Variants in PTPRT observed in about 807,000 individuals in gnomAD.
PTPRT encodes protein tyrosine phosphatase receptor type T, also known as receptor-type tyrosine-protein phosphatase T.
PTPRT carries 56 observed loss-of-function variants against 176.8 expected under a neutral mutation model. The observed-to-expected ratio is 0.32, with a 90% CI of 0.26 to 0.40. The LOEUF (loss-of-function observed/expected upper bound fraction) is 0.40, where lower values mean the gene tolerates loss of function less well. Among genes scored for constraint, PTPRT ranks in the 10% least tolerant of loss-of-function variants. The pLI is 1.00. For missense variants in PTPRT, 1,540 were observed against 1,908.2 expected (o/e 0.81, Z 3.60); for synonymous variants, 783 against 739.0 (o/e 1.06, Z -0.96).
chr20:43,130,774 C>T (rs931952708), intron 1 of PTPRT, among the ~76,000 whole-genome samples: 11 of 123,254 alleles, frequency 8.9e-5, no homozygotes, highest in African/African-American at 3.1e-4. Context: ...AAGGCAAACA[C>T]GAAAATGTAA....
At chr20:42,188,782 T>C (rs1990880142) in intron 16 of PTPRT, among the ~76,000 whole-genome samples, 1 of 152,174 alleles carries the variant, frequency 6.6e-6, no homozygotes, top group Admixed American at 6.5e-5. Flanking sequence ...AACAATTCTA[T>C]TTTCTTCTCA....
chr20:42,231,466 A>G (rs980799818), intron 15 of PTPRT, among the ~76,000 whole-genome samples: 25 of 152,346 alleles, frequency 1.6e-4, no homozygotes, highest in Admixed American at 1.6e-3. Context: ...AGCATTGGGT[A>G]AGTATATATA....
At chr20:43,077,408 T>A (rs1295822662) in intron 1 of PTPRT, among the ~76,000 whole-genome samples, 1 of 152,162 alleles carries the variant, frequency 6.6e-6, no homozygotes, top group African/African-American at 2.4e-5. Context: ...CACACTGCAT[T>A]CCACACACTG....
chr20:42,996,459 G>T (rs1170272544), intron 1 of PTPRT, among the ~76,000 whole-genome samples: 1 of 152,156 alleles, frequency 6.6e-6, no homozygotes, highest in Non-Finnish European at 1.5e-5. Flanking sequence ...ATGTATCCGT[G>T]ATTGCTTCCT....
chr20:42,617,171 G>A (rs1360648773), intron 7 of PTPRT, among the ~76,000 whole-genome samples: 4 of 136,622 alleles, frequency 2.9e-5, no homozygotes, highest in Admixed American at 7.0e-5. Flanking sequence ...TTTGTCAAAG[G>A]CTTTTTCCGC....
rs1275383907 is a variant in PTPRT at position 42,762,691 on chromosome 20, A to G, written c.685-6055T>C. Reference sequence around the variant, plus strand: ...GGGCTCTATCTGCATATCAAGCTACATATCTATGGAGCTGCATCTGCCCAG... The same window carrying G: ...GGGCTCTATCTGCATATCAAGCTACGTATCTATGGAGCTGCATCTGCCCAG... On this transcript the variant is annotated intron_variant, in intron 5 of 30. Transcript: ENST00000373187. Among the ~76,000 whole-genome samples the G allele has an allele frequency of 3.3e-5, 5 of 152,326 alleles. No homozygotes were observed. The South Asian group carries it at 1.0e-3, about 32-fold the overall frequency.
intron 9 of PTPRT, among the ~76,000 whole-genome samples, chr20:42,405,563 G>A (rs868818952): frequency 2.6e-4 from 40 of 152,186 alleles, no homozygotes; most frequent in African/African-American, 9.2e-4. Context: ...TGGTGTATAT[G>A]TGCCACATTT....
At position 42,080,383 on chromosome 20, in the gene PTPRT, T is replaced by C. The variant is rs575881144; in HGVS notation, c.*496A>G. On this transcript the variant is annotated 3_prime_UTR_variant, in exon 31 of 31. Coordinates refer to ENST00000373187, the MANE Select transcript of PTPRT (RefSeq NM_007050.6). Reference sequence around the variant, plus strand: ...ACTGGTCCAGACTGCAAATGTCTGGTGCCAGAGGCCCCTGAAGGAGGTTGC... The same window carrying C: ...ACTGGTCCAGACTGCAAATGTCTGGCGCCAGAGGCCCCTGAAGGAGGTTGC... 4.3e-6 allele frequency: 1 copy of C among 233,988 alleles called. No homozygotes were observed. Among genetic ancestry groups the C allele is most frequent in the African/African-American group, 2.2e-5 (1 of 45,372 alleles). The allele number at this position is 233,988 out of a possible 1,614,324, so 14.5% of individuals were successfully genotyped here.
chr20:42,983,676 C>T (rs1241226325), intron 1 of PTPRT, among the ~76,000 whole-genome samples: 1 of 152,210 alleles, frequency 6.6e-6, no homozygotes, highest in African/African-American at 2.4e-5. Context: ...AGAGGCCCTG[C>T]CCACAACCCA....
rs926202301 is a variant in PTPRT at position 42,817,279 on chromosome 20, T to C, written c.215-25813A>G. 4.4e-4 allele frequency among the ~76,000 whole-genome samples: 66 copies of C among 151,500 alleles called. 1 individual carries two copies. Among genetic ancestry groups the C allele is most frequent in the African/African-American group, 1.5e-3 (64 of 41,334 alleles). On this transcript the variant is annotated intron_variant, in intron 2 of 30. Coordinates refer to ENST00000373187, the MANE Select transcript of PTPRT (RefSeq NM_007050.6). ...AAATGGATGACCTGTGAGGGCGGGA[T>C]CTGAAAGGCAGAGAAGCCAAACAGC...
At chr20:42,128,910 A>G (rs1164966887) in intron 18 of PTPRT, 80 bp from the exon 19 acceptor site, 1 of 1,183,230 alleles carries the variant, frequency 8.5e-7, no homozygotes, top group African/African-American at 1.5e-5. Flanking sequence ...ACTACTGTTT[A>G]TTAATGACTG....
chr20:42,673,531 T>G (rs1183921899), intron 7 of PTPRT, among the ~76,000 whole-genome samples: 1 of 152,146 alleles, frequency 6.6e-6, no homozygotes. Context: ...AGAAATTTAC[T>G]TTTTATAGTT....
chr20:42,298,065 C>G (rs973199270), intron 12 of PTPRT, among the ~76,000 whole-genome samples: 15 of 151,972 alleles, frequency 9.9e-5, no homozygotes, highest in African/African-American at 3.6e-4. Flanking sequence ...TAAGCAAAGT[C>G]AACAGATAAA....
intron 7 of PTPRT, among the ~76,000 whole-genome samples, chr20:42,514,855 T>C (rs967009410): frequency 5.3e-5 from 8 of 152,228 alleles, no homozygotes; most frequent in Non-Finnish European, 7.3e-5. Flanking sequence ...TCCACATATG[T>C]ATAGGCCTAT....
chr20:43,049,727 C>T (rs1272236300), intron 1 of PTPRT, among the ~76,000 whole-genome samples: 1 of 152,124 alleles, frequency 6.6e-6, no homozygotes, highest in Non-Finnish European at 1.5e-5. Flanking sequence ...ATAAGCTTTC[C>T]TGGGGGCAAC....
intron 7 of PTPRT, among the ~76,000 whole-genome samples, chr20:42,573,095 T>A (rs2073187938): frequency 6.6e-6 from 1 of 152,170 alleles, no homozygotes; most frequent in Non-Finnish European, 1.5e-5. Context: ...AATTACAGAA[T>A]GAATTAATTA....
chr20:42,267,430 A>T (rs1214192997), intron 13 of PTPRT, among the ~76,000 whole-genome samples: 1 of 152,246 alleles, frequency 6.6e-6, no homozygotes, highest in African/African-American at 2.4e-5. Context: ...TAGATACATT[A>T]TATTATTAAA....
intron 6 of PTPRT, among the ~76,000 whole-genome samples, chr20:42,733,017 T>TCGA (rs1230302623): frequency 6.6e-6 from 1 of 152,154 alleles, no homozygotes. Flanking sequence ...CACTGATATC[T>TCGA]CGAGAGGCCT....
In PTPRT at chr20:42,075,909, C is replaced by T. The variant is rs1056194972; in HGVS notation, c.*4970G>A. On this transcript the variant is annotated 3_prime_UTR_variant, in exon 31 of 31. Coordinates refer to ENST00000373187, the MANE Select transcript of PTPRT (RefSeq NM_007050.6). ...GTGGCTCTGGCAAGCTGTTACCCAT[C>T]CTTTCTCCAGCTATGTCACAGAAGT... 1 of 210,118 alleles carries T rather than the reference C, an allele frequency of 4.8e-6. No homozygotes were observed. The highest frequency in any genetic ancestry group is 2.3e-5 in the African/African-American group (1 of 44,042). 13.0% of individuals were successfully genotyped at this position (210,118 alleles called of 1,614,324 possible).
Sources: gnomAD v4.1 joint callset for allele counts (sites outside exome capture counted in the v4.1 genomes callset) on GRCh38, gnomAD v4.1.1 for gene constraint, MANE v1.5 for transcripts, NCBI Gene and HGNC (gene_info 2026-07-23, HGNC 2026-07-21) for gene names.